Variants in PDE4B observed in about 807,000 individuals in gnomAD.
PDE4B encodes the protein phosphodiesterase 4B, also known as 3',5'-cyclic-AMP phosphodiesterase 4B.
PDE4B carries 20 observed loss-of-function variants against 82.2 expected under a neutral mutation model. The observed-to-expected ratio is 0.24, with a 90% CI of 0.17 to 0.35. The LOEUF (loss-of-function observed/expected upper bound fraction) is 0.35, where lower values mean the gene tolerates loss of function less well. Among genes scored for constraint, PDE4B ranks in the 10% least tolerant of loss-of-function variants. The pLI is 1.00. For missense variants in PDE4B, 655 were observed against 907.2 expected, an observed-to-expected ratio of 0.72 and a Z score of 3.57; for synonymous variants, 320 against 318.9, an observed-to-expected ratio of 1.00 and a Z score of -0.04.
rs1184630263 is a variant in PDE4B at position 65,878,898 on chromosome 1, TAAAA to T, written c.-70-34342_-70-34339del. Among the ~76,000 whole-genome samples the T allele has an allele frequency of 2.0e-5, 3 of 151,962 alleles. No individual in the cohort carries two copies. In the East Asian group the frequency reaches 5.8e-4, roughly 29 times the overall value. On this transcript the variant is annotated intron_variant, in intron 1 of 16. Transcript: ENST00000341517. Reference sequence around the variant, plus strand: ...ATGTATCCCCAAAGTTAAAGTAAAATAAAAAAAATTATAAAGACAATATGAAAAC... The same window carrying T: ...ATGTATCCCCAAAGTTAAAGTAAAATAAAATTATAAAGACAATATGAAAAC...
chr1:66,346,183 T>C (rs1044769170), intron 8 of PDE4B, among the ~76,000 whole-genome samples: 2 of 152,228 alleles, frequency 1.3e-5, no homozygotes, highest in African/African-American at 4.8e-5. Flanking sequence ...ATGTTTTTCA[T>C]TCCTGGCATA....
At chr1:66,011,923 A>C (rs1569970413) in intron 3 of PDE4B, among the ~76,000 whole-genome samples, 1 of 152,174 alleles carries the variant, frequency 6.6e-6, no homozygotes. Context: ...TAAAGAATTT[A>C]TATGCAGTTT....
At chr1:66,097,572 C>T (rs1193773646) in intron 3 of PDE4B, among the ~76,000 whole-genome samples, 1 of 151,950 alleles carries the variant, frequency 6.6e-6, no homozygotes, top group African/African-American at 2.4e-5. Flanking sequence ...CATGGCAATA[C>T]AATGCATTGT....
At position 66,258,383 on chromosome 1, in the gene PDE4B, T is replaced by C. The variant is rs190737129; in HGVS notation, c.584+520T>C. Among the ~76,000 whole-genome samples the C allele has an allele frequency of 4.7e-4, 71 of 152,362 alleles. 1 individual carries two copies. The highest frequency in any genetic ancestry group is 7.5e-4 in the Non-Finnish European group (51 of 68,032). On this transcript the variant is annotated intron_variant, in intron 6 of 16. Transcript: ENST00000341517. ...TATATGATCTTGGCATTTAAATTAATGTTGCTGATCCTTGATCTCCGTATC... is the reference window on the plus strand; with the variant it reads ...TATATGATCTTGGCATTTAAATTAACGTTGCTGATCCTTGATCTCCGTATC...
At chr1:66,087,266 A>C (rs910466639) in intron 3 of PDE4B, among the ~76,000 whole-genome samples, 6 of 152,144 alleles carry the variant, frequency 3.9e-5, no homozygotes, top group African/African-American at 1.4e-4. Flanking sequence ...AATGATCTGG[A>C]ACAGTCCAGA....
At chr1:65,841,381 A>AAAGGAAGGAAGGAAGGAAGGAAGG (rs71590332) in intron 1 of PDE4B, among the ~76,000 whole-genome samples, 1 of 150,226 alleles carries the variant, frequency 6.7e-6, no homozygotes, top group Non-Finnish European at 1.5e-5. Context: ...AAAGGAAAGG[A>AAAGGAAGGAAGGAAGGAAGGAAGG]AAGGAAGGAA....
intron 3 of PDE4B, among the ~76,000 whole-genome samples, chr1:66,151,744 T>A (rs1223069321): frequency 6.6e-6 from 1 of 152,218 alleles, no homozygotes; most frequent in Non-Finnish European, 1.5e-5. Context: ...TGTAAGTCTT[T>A]TGATGGCAGG....
chr1:66,202,424 T>C (rs1469548602), intron 3 of PDE4B, among the ~76,000 whole-genome samples: 3 of 152,214 alleles, frequency 2.0e-5, no homozygotes, highest in Non-Finnish European at 4.4e-5. Context: ...GTCTCGTTGA[T>C]CTGTCTAATG....
At chr1:65,853,889 A>G (rs1646361694) in intron 1 of PDE4B, among the ~76,000 whole-genome samples, 1 of 152,160 alleles carries the variant, frequency 6.6e-6, no homozygotes. Flanking sequence ...AGGCAGAATT[A>G]AACTAATACC....
intron 3 of PDE4B, among the ~76,000 whole-genome samples, chr1:66,000,295 C>T (rs1338388415): frequency 6.6e-6 from 1 of 152,166 alleles, no homozygotes; most frequent in Non-Finnish European, 1.5e-5. Flanking sequence ...ACATAGTGTA[C>T]ATTAGAATGC....
chr1:65,975,537 A>G (rs1650360330), intron 3 of PDE4B, among the ~76,000 whole-genome samples: 1 of 152,246 alleles, frequency 6.6e-6, no homozygotes, highest in African/African-American at 2.4e-5. Flanking sequence ...GCTGAATGAT[A>G]ATAGCCAAGA....
At chr1:66,106,770 G>A (rs940115484) in intron 3 of PDE4B, among the ~76,000 whole-genome samples, 39 of 148,044 alleles carry the variant, frequency 2.6e-4, no homozygotes, top group African/African-American at 9.6e-4. Context: ...TATTTCTGTG[G>A]GATCGGTGGT....
chr1:65,903,785 G>A (rs376329828), intron 1 of PDE4B, among the ~76,000 whole-genome samples: 8 of 151,828 alleles, frequency 5.3e-5, no homozygotes, highest in East Asian at 3.9e-4. Context: ...CTTATTTTTC[G>A]TATGTCCACA....
At chr1:66,311,566 G>A (rs1557693896) in intron 7 of PDE4B, among the ~76,000 whole-genome samples, 1 of 152,230 alleles carries the variant, frequency 6.6e-6, no homozygotes, top group East Asian at 1.9e-4. Flanking sequence ...GCCATGGCAG[G>A]TAGCTTGAGA....
intron 3 of PDE4B, among the ~76,000 whole-genome samples, chr1:66,003,753 A>T (rs1033515043): frequency 3.9e-5 from 6 of 152,190 alleles, no homozygotes; most frequent in African/African-American, 1.4e-4. Context: ...GAGAGGTCAG[A>T]GAAGACTGGA....
intron 3 of PDE4B, among the ~76,000 whole-genome samples, chr1:66,011,504 T>C (rs1644836387): frequency 6.6e-6 from 1 of 152,064 alleles, no homozygotes; most frequent in African/African-American, 2.4e-5. Context: ...ATGAATATTT[T>C]TAAGAAAGAG....
At chr1:66,146,562 A>G (rs1646277505) in intron 3 of PDE4B, among the ~76,000 whole-genome samples, 2 of 152,072 alleles carry the variant, frequency 1.3e-5, no homozygotes. Flanking sequence ...CCACTGTTGC[A>G]CAACTCCACT....
chr1:66,073,563 T>C (rs1012172319), intron 3 of PDE4B, among the ~76,000 whole-genome samples: 1 of 152,082 alleles, frequency 6.6e-6, no homozygotes, highest in African/African-American at 2.4e-5. Context: ...CCACCTCCCT[T>C]TCCTTTCTTG....
chr1:66,355,211 A>G (rs745935170), intron 8 of PDE4B: 35 of 355,766 alleles, frequency 9.8e-5, no homozygotes, highest in Non-Finnish European at 1.4e-4. Flanking sequence ...AGGTAATTTC[A>G]GACAAATGTA....
Sources: gnomAD v4.1 joint callset for allele counts (sites outside exome capture counted in the v4.1 genomes callset) on GRCh38, gnomAD v4.1.1 for gene constraint, MANE v1.5 for transcripts, NCBI Gene and HGNC (gene_info 2026-07-23, HGNC 2026-07-21) for gene names.